TYW1B: variants seen among roughly 807,000 people sequenced by gnomAD.
The protein encoded by TYW1B is S-adenosyl-L-methionine-dependent tRNA 4-demethylwyosine synthase TYW1B.
TYW1B carries 73 observed loss-of-function variants against 86.9 expected under a neutral mutation model. That is an observed-to-expected ratio of 0.84 (90% CI 0.70 to 1.02). The LOEUF (loss-of-function observed/expected upper bound fraction) is 1.02, where lower values mean the gene tolerates loss of function less well. Ranked by LOEUF, TYW1B falls within the 50% of genes least tolerant of loss-of-function variation. The probability of loss-of-function intolerance (pLI) is 0.00; values close to 1 mark genes in which losing one functional copy is unlikely to be tolerated. For synonymous variants in TYW1B, 248 were observed against 292.8 expected, an observed-to-expected ratio of 0.85 and a Z score of 1.56; for missense variants, 637 against 827.4, an observed-to-expected ratio of 0.77 and a Z score of 2.82.
At chr7:72,680,440 A>T (rs3015920) in intron 11 of TYW1B, among the ~76,000 whole-genome samples, 1 of 151,670 alleles carries the variant, frequency 6.6e-6, no homozygotes, top group Non-Finnish European at 1.5e-5. Flanking sequence ...TCAAACTCCA[A>T]GATCTTCAGC....
At chr7:72,610,697 G>A (rs1301572580) in intron 13 of TYW1B, among the ~76,000 whole-genome samples, 3 of 152,190 alleles carry the variant, frequency 2.0e-5, no homozygotes, top group African/African-American at 7.2e-5. Context: ...GGCTGAGCTA[G>A]AATTCCTGGA....
intron 6 of TYW1B, among the ~76,000 whole-genome samples, chr7:72,789,452 A>T (rs1585985121): frequency 1.3e-5 from 2 of 152,304 alleles, no homozygotes; most frequent in Non-Finnish European, 2.9e-5. Flanking sequence ...TTTCCTTTGA[A>T]TGTCATATCA....
At chr7:72,627,231 C>A (rs1812367451) in intron 12 of TYW1B, among the ~76,000 whole-genome samples, 1 of 151,980 alleles carries the variant, frequency 6.6e-6, no homozygotes. Flanking sequence ...GTGGATCACT[C>A]AAGGTCAGGA....
intron 4 of TYW1B, among the ~76,000 whole-genome samples, chr7:72,809,679 A>AAT (rs1166015427): frequency 8.6e-5 from 13 of 150,776 alleles, no homozygotes; most frequent in African/African-American, 2.9e-4. Context: ...TTAAAAAAAA[A>AAT]TTTTTTTTAA....
intron 7 of TYW1B, among the ~76,000 whole-genome samples, chr7:72,750,990 T>C (rs1438479416): frequency 6.6e-6 from 1 of 152,104 alleles, no homozygotes; most frequent in Non-Finnish European, 1.5e-5. Flanking sequence ...CTGTACTTAA[T>C]GTTCTTTTCC....
intron 13 of TYW1B, among the ~76,000 whole-genome samples, chr7:72,584,148 G>A (rs189218592): frequency 7.5e-4 from 114 of 152,280 alleles, no homozygotes; most frequent in Admixed American, 3.8e-3. Flanking sequence ...TTTGGCTCAA[G>A]GATCCTCCCT....
At position 72,575,036 on chromosome 7, in the gene TYW1B, G is replaced by C. The variant is rs576946429; in HGVS notation, c.*462C>G. The C allele has an allele frequency of 1.0e-6, 1 of 994,362 alleles. No individual in the cohort carries two copies. The highest frequency in any genetic ancestry group is 1.2e-6 in the Non-Finnish European group (1 of 835,042). The allele number at this position is 994,362 out of a possible 1,614,324, so 61.6% of individuals were successfully genotyped here. A position where few individuals can be genotyped will look rare whatever the true frequency, so the allele number is the denominator to read the frequency against. ...TCTTAAGACAGAAGAAAGGGATCAA[G>C]CTCTTATCTTAGAAAGCACAGACAC... On this transcript the variant is annotated 3_prime_UTR_variant, in exon 14 of 14. Coordinates refer to ENST00000620995, the MANE Select transcript of TYW1B (RefSeq NM_001145440.3).
At chr7:72,768,566 T>A (rs1366380846) in intron 7 of TYW1B, among the ~76,000 whole-genome samples, 1 of 152,056 alleles carries the variant, frequency 6.6e-6, no homozygotes, top group Non-Finnish European at 1.5e-5. Flanking sequence ...GGCGGGCGGA[T>A]CACGAGGTCA....
At chr7:72,813,467 C>T (rs1788663222) in intron 3 of TYW1B, among the ~76,000 whole-genome samples, 1 of 152,134 alleles carries the variant, frequency 6.6e-6, no homozygotes, top group African/African-American at 2.4e-5. Context: ...TGGGCCACCA[C>T]GCCCAGCCTC....
intron 12 of TYW1B, among the ~76,000 whole-genome samples, chr7:72,620,328 C>T (rs1156587738): frequency 1.2e-4 from 19 of 152,122 alleles, no homozygotes; most frequent in Admixed American, 2.0e-4. Flanking sequence ...ACCCAGTAGG[C>T]GGAGATTGCA....
chr7:72,670,833 T>C (rs1376854265), intron 11 of TYW1B, among the ~76,000 whole-genome samples: 1 of 152,240 alleles, frequency 6.6e-6, no homozygotes, highest in Non-Finnish European at 1.5e-5. Flanking sequence ...AGTTGAGCCA[T>C]TACTAGTCTA....
At chr7:72,732,621 A>G (rs1405529252) in intron 8 of TYW1B, among the ~76,000 whole-genome samples, 1 of 152,206 alleles carries the variant, frequency 6.6e-6, no homozygotes, top group Admixed American at 6.5e-5. Flanking sequence ...AGCAGTACTA[A>G]CAGGGAAGTT....
At chr7:72,655,650 A>G (rs1813183323) in intron 11 of TYW1B, among the ~76,000 whole-genome samples, 2 of 152,172 alleles carry the variant, frequency 1.3e-5, no homozygotes, top group Admixed American at 1.3e-4. Flanking sequence ...CCCAGGACAA[A>G]AAGAGCCAAA....
intron 11 of TYW1B, among the ~76,000 whole-genome samples, chr7:72,660,924 G>A (rs2844180): frequency 0.79 from 111,959 of 140,978 alleles, 44,155 homozygotes; most frequent in Middle Eastern, 0.85. Context: ...ATCACCTGAG[G>A]TCAGGAGTTC....
chr7:72,812,026 A>T (rs1788630879), intron 3 of TYW1B, among the ~76,000 whole-genome samples: 1 of 152,024 alleles, frequency 6.6e-6, no homozygotes, highest in African/African-American at 2.4e-5. Flanking sequence ...GTAATTTAAC[A>T]CTTGGCACCA....
At chr7:72,617,919 T>C (rs778522950) in intron 12 of TYW1B, among the ~76,000 whole-genome samples, 2 of 152,202 alleles carry the variant, frequency 1.3e-5, no homozygotes, top group Non-Finnish European at 2.9e-5. Flanking sequence ...GTTCTTTATT[T>C]GGTAAATTAC....
intron 11 of TYW1B, among the ~76,000 whole-genome samples, chr7:72,668,131 C>A (rs1309233735): frequency 6.6e-6 from 1 of 152,102 alleles, no homozygotes. Flanking sequence ...TAATGACCTA[C>A]ATAAAATTTC....
At chr7:72,816,885 T>C (rs1412748791) in intron 2 of TYW1B, among the ~76,000 whole-genome samples, 2 of 152,146 alleles carry the variant, frequency 1.3e-5, no homozygotes, top group African/African-American at 4.8e-5. Flanking sequence ...GCTGGCCCTG[T>C]GCAGCTCTTC....
intron 11 of TYW1B, among the ~76,000 whole-genome samples, chr7:72,665,587 G>A (rs1344192263): frequency 6.6e-6 from 1 of 152,146 alleles, no homozygotes; most frequent in Non-Finnish European, 1.5e-5. Context: ...TGTAATTGTA[G>A]TTTTGAATTC....
Sources: allele counts gnomAD v4.1 joint callset (sites outside exome capture counted in the v4.1 genomes callset), GRCh38; gene constraint gnomAD v4.1.1; transcripts MANE v1.5; gene names NCBI Gene and HGNC (gene_info 2026-07-23, HGNC 2026-07-21).